The following CBY2 variants were observed in gnomAD, a reference collection of about 807,000 sequenced individuals.
CBY2 encodes chibby family member 2.
CBY2 carries 23 observed loss-of-function variants against 25.3 expected under a neutral mutation model. The observed-to-expected ratio is 0.91, with a 90% CI of 0.65 to 1.29. The LOEUF (loss-of-function observed/expected upper bound fraction) is 1.29, where lower values mean the gene tolerates loss of function less well. Ranked by LOEUF, CBY2 falls within the 50% of genes most tolerant of loss-of-function variation. The pLI, the probability that CBY2 is intolerant of heterozygous loss-of-function variation, is 0.00. For missense variants in CBY2, 642 were observed against 590.7 expected (o/e 1.09, Z -0.90); for synonymous variants, 279 against 260.2 (o/e 1.07, Z -0.70).
At chr13:45,703,646 TG>T (rs1490797314) in intron 2 of CBY2, 12 of 1,422,994 alleles carry the variant, frequency 8.4e-6, no homozygotes, top group Middle Eastern at 1.8e-4. Context: ...TGACCACTGG[TG>T]GGCATTCCAT....
At chr13:45,702,688 A>G in intron 1 of CBY2, 87 bp from the exon 2 acceptor site, 2 of 1,098,516 alleles carry the variant, frequency 1.8e-6, no homozygotes, top group Admixed American at 1.9e-5. Flanking sequence ...ATAAATGAGT[A>G]GAAAGTTCTG....
At chr13:45,709,969 T>G (rs1342461084) in intron 2 of CBY2, among the ~76,000 whole-genome samples, 4 of 152,188 alleles carry the variant, frequency 2.6e-5, no homozygotes, top group Non-Finnish European at 4.4e-5. Flanking sequence ...TGAGTTTCAG[T>G]TTCTCCATCT....
Position 45,702,382 on chromosome 13 carries a change from T to G in CBY2, c.-9T>G. ...CCATGAGCCCTGAAAAACACCATATTGTTTTGTGATGTCACCTCTGGAATG... is the reference window on the plus strand; with the variant it reads ...CCATGAGCCCTGAAAAACACCATATGGTTTTGTGATGTCACCTCTGGAATG... On this transcript the variant is annotated 5_prime_UTR_variant, in exon 1 of 3. It adds an upstream start codon to the 5' untranslated region. Transcript: ENST00000310521. 6.2e-7 allele frequency: 1 copy of G among 1,613,834 alleles called. No homozygotes were observed. The highest frequency in any genetic ancestry group is 8.5e-7 in the Non-Finnish European group (1 of 1,179,678).
At position 45,714,069 on chromosome 13, in the gene CBY2, C is replaced by T; in HGVS notation, c.1044C>T (p.Gly348=). 1 of 1,521,040 alleles carries T rather than the reference C, an allele frequency of 6.6e-7. No individual in the cohort carries two copies. The allele number at this position is 1,521,040 out of a possible 1,614,324, so 94.2% of individuals were successfully genotyped here. Residue 348 remains glycine, a synonymous_variant, in exon 3 of 3, where the codon GGC becomes GGT. Coordinates refer to ENST00000310521, the MANE Select transcript of CBY2 (RefSeq NM_152719.3). ...SGEEEAKVGP[G]LPDGCQPLQL... ...AGGAGGAGGCCAAGGTGGGCCCGGG[C>T]CTGCCCGACGGCTGCCAGCCCCTGC...
Position 45,704,956 on chromosome 13 carries a change from A to T in CBY2, c.156+2101A>T, listed in dbSNP as rs1324798128. On this transcript the variant is annotated intron_variant, in intron 2 of 2. Transcript: ENST00000310521. The surrounding 1 kb of genome is among the most constrained non-coding windows in gnomAD (Gnocchi z 4.1). ...TTTTGTATTTGCCAAAAGCTGCTCTATTCTGGGATGGAGTCCACTTTCCAT... is the reference window on the plus strand; with the variant it reads ...TTTTGTATTTGCCAAAAGCTGCTCTTTTCTGGGATGGAGTCCACTTTCCAT... 6.6e-6 allele frequency among the ~76,000 whole-genome samples: 1 copy of T among 152,148 alleles called. No individual in the cohort carries two copies. Among genetic ancestry groups the T allele is most frequent in the Non-Finnish European group, 1.5e-5 (1 of 68,028 alleles).
intron 2 of CBY2, chr13:45,703,274 A>G: frequency 1.5e-6 from 2 of 1,317,640 alleles, no homozygotes; most frequent in Non-Finnish European, 1.9e-6. Flanking sequence ...CCGTGGACAA[A>G]GGGGTACAGA....
intron 2 of CBY2, chr13:45,703,085 T>C (rs1237499433): frequency 1.5e-6 from 2 of 1,325,992 alleles, no homozygotes; most frequent in Non-Finnish European, 1.9e-6. Context: ...GATGATCTGG[T>C]AAGAACTTCC....
Position 45,714,422 on chromosome 13 carries a change from C to G in CBY2, c.*50C>G. The G allele has an allele frequency of 6.9e-7, 1 of 1,441,926 alleles. No homozygotes were observed. The allele number at this position is 1,441,926 out of a possible 1,614,324, so 89.3% of individuals were successfully genotyped here. ...CGAGTTTGGGACACCGAACACTGGGCAAAAGAGAATCCCCTGCCTTCCTTT... is the reference window on the plus strand; with the variant it reads ...CGAGTTTGGGACACCGAACACTGGGGAAAAGAGAATCCCCTGCCTTCCTTT... On this transcript the variant is annotated 3_prime_UTR_variant, in exon 3 of 3. Coordinates refer to ENST00000310521, the MANE Select transcript of CBY2 (RefSeq NM_152719.3).
At chr13:45,708,381 A>G (rs918708762) in intron 2 of CBY2, among the ~76,000 whole-genome samples, 18 of 152,324 alleles carry the variant, frequency 1.2e-4, no homozygotes, top group East Asian at 3.9e-4. Context: ...TGCATCAAGA[A>G]GTAATTGGTG....
chr13:45,704,330 G>T lies in CBY2; in HGVS notation c.156+1475G>T, dbSNP rs1950228246. 6.6e-6 allele frequency among the ~76,000 whole-genome samples: 1 copy of T among 152,170 alleles called. No homozygotes were observed. Among genetic ancestry groups the T allele is most frequent in the South Asian group, 2.1e-4 (1 of 4,832 alleles). On this transcript the variant is annotated intron_variant, in intron 2 of 2. Coordinates refer to ENST00000310521, the MANE Select transcript of CBY2 (RefSeq NM_152719.3). The surrounding 1 kb of genome is among the most constrained non-coding windows in gnomAD (Gnocchi z 4.1). ...CTGTGCTGGAGGACCTGGTGCTGCT[G>T]CTGGGGTCTTGTGGGGCAGAGTGGG...
At chr13:45,707,176 AC>A (rs1950244288) in intron 2 of CBY2, among the ~76,000 whole-genome samples, 1 of 151,986 alleles carries the variant, frequency 6.6e-6, no homozygotes, top group Non-Finnish European at 1.5e-5. Context: ...TAGGGCGTTT[AC>A]CCTCGTTGGA....
In CBY2 at chr13:45,713,511, G is replaced by A. The variant is rs1950286245; in HGVS notation, c.486G>A (p.Leu162=). The change falls in exon 3 of 3, where the codon CTG becomes CTA. Residue 162 remains leucine, a synonymous_variant. Transcript: ENST00000310521. This position sits in a 1 kb window ranked among gnomAD's most constrained non-coding sequence, Gnocchi z 5.0. The part of the protein sequence containing the change: ...SFHHKLHHKR[L]AKECMLQEEN... ...ACCACAAGCTGCACCACAAGAGGCT[G>A]GCCAAGGAGTGCATGCTGCAGGAGG... The A allele has an allele frequency of 6.2e-7, 1 of 1,614,208 alleles. No individual in the cohort carries two copies. The highest frequency in any genetic ancestry group is 1.1e-5 in the South Asian group (1 of 91,076).
chr13:45,713,269 C>T lies in CBY2; in HGVS notation c.244C>T (p.Arg82Cys), dbSNP rs372471800. Residue 82 changes from arginine to cysteine, a missense_variant, in exon 3 of 3, where the codon CGC becomes TGC. Physicochemically the swap from Arg to Cys is radical, Grantham distance 180. Coordinates refer to ENST00000310521, the MANE Select transcript of CBY2 (RefSeq NM_152719.3). The surrounding 1 kb of genome is among the most constrained non-coding windows in gnomAD (Gnocchi z 5.0). ...AQQAALPRLS[R>C]RMASQHSYPL... ...GCAGGCCGCCCTGCCCCGGCTGAGC[C>T]GCAGGATGGCGAGCCAGCACTCCTA... is the stretch of plus-strand genomic sequence containing the variant. 5.0e-6 allele frequency: 8 copies of T among 1,613,738 alleles called. No homozygotes were observed. The Admixed American group carries it at 1.2e-4, about 24-fold the overall frequency.
intron 2 of CBY2, 145 bp downstream of exon 2, chr13:45,703,000 G>T: frequency 9.1e-7 from 1 of 1,098,856 alleles, no homozygotes; most frequent in Non-Finnish European, 1.3e-6. Context: ...GTGCCAGCAG[G>T]CGGTGTGCTG....
chr13:45,709,530 T>C (rs188364729), intron 2 of CBY2, among the ~76,000 whole-genome samples: 29 of 152,326 alleles, frequency 1.9e-4, no homozygotes, highest in Admixed American at 1.8e-3. Flanking sequence ...TTCGCAGATA[T>C]TGAGGGATAA....
Position 45,713,719 on chromosome 13 carries a change from G to A in CBY2, c.694G>A (p.Asp232Asn). 6.2e-7 allele frequency: 1 copy of A among 1,611,770 alleles called. No individual in the cohort carries two copies. The change falls in exon 3 of 3, where the codon GAC becomes AAC. Residue 232 changes from aspartate to asparagine, a missense_variant. Transcript: ENST00000310521. This position sits in a 1 kb window ranked among gnomAD's most constrained non-coding sequence, Gnocchi z 5.0. Reference protein sequence around the residue: ...DSASLEVVKKDHVALQVPRGK... With the variant: ...DSASLEVVKKNHVALQVPRGK... ...CGCGTCCCTGGAGGTGGTGAAGAAGGACCACGTCGCCCTGCAGGTGCCCCG... is the reference window on the plus strand; with the variant it reads ...CGCGTCCCTGGAGGTGGTGAAGAAGAACCACGTCGCCCTGCAGGTGCCCCG...
Position 45,713,283 on chromosome 13 carries a change from C to T in CBY2, c.258C>T (p.Ser86=), listed in dbSNP as rs1204832419. 4 of 1,614,008 alleles carry T rather than the reference C, an allele frequency of 2.5e-6. No individual in the cohort carries two copies. Among genetic ancestry groups the T allele is most frequent in the Middle Eastern group, 1.6e-4 (1 of 6,062 alleles). The change falls in exon 3 of 3, where the codon AGC becomes AGT. Residue 86 remains serine (S), a synonymous_variant. Coordinates refer to ENST00000310521, the MANE Select transcript of CBY2 (RefSeq NM_152719.3). This position sits in a 1 kb window ranked among gnomAD's most constrained non-coding sequence, Gnocchi z 5.0. ...CCCGGCTGAGCCGCAGGATGGCGAG[C>T]CAGCACTCCTATCCACTGAACCGCT... ...ALPRLSRRMA[S]QHSYPLNRFS... is the part of the protein sequence containing the mutation.
chr13:45,713,674 C>T lies in CBY2; in HGVS notation c.649C>T (p.Pro217Ser). The change falls in exon 3 of 3, where the codon CCA (proline) becomes TCA (serine). Residue 217 changes from proline (P) to serine (S), a missense_variant. Transcript: ENST00000310521. This position sits in a 1 kb window ranked among gnomAD's most constrained non-coding sequence, Gnocchi z 5.0. The stretch of plus-strand genomic sequence containing the variant: ...CCGAGAGGAGAGCCGGGCCCCCTCG[C>T]CACTGCTGCACAAAGACAGCGCGTC... The part of the protein sequence containing the change: ...LGREESRAPS[P>S]LLHKDSASLE... 1 of 1,612,906 alleles carries T rather than the reference C, an allele frequency of 6.2e-7. No individual in the cohort carries two copies.
At chr13:45,703,710 G>A in intron 2 of CBY2, 1 of 780,460 alleles carries the variant, frequency 1.3e-6, no homozygotes, top group South Asian at 1.8e-5. Flanking sequence ...GCAAAAATAT[G>A]GAAGAAGAAA....
Sources: gnomAD v4.1 joint callset for allele counts (sites outside exome capture counted in the v4.1 genomes callset) on GRCh38, gnomAD v4.1.1 for gene constraint, Gnocchi (gnomAD v3.1) non-coding constraint, MANE v1.5 for transcripts, NCBI Gene and HGNC (gene_info 2026-07-23, HGNC 2026-07-21) for gene names.